PGAP1: variants seen among roughly 807,000 people sequenced by gnomAD.
The protein encoded by PGAP1 is post-GPI attachment to proteins inositol deacylase 1.
In PGAP1, 76 loss-of-function variants were observed where a neutral mutation model predicts 127.0. The ratio of observed to expected loss-of-function variants is 0.60; its 90% confidence interval spans 0.50 to 0.72. The LOEUF (loss-of-function observed/expected upper bound fraction) is 0.72. PGAP1 is among the 30% of genes least tolerant of loss of function. The pLI is 0.00. For missense variants in PGAP1, 982 were observed against 1,071.3 expected, an observed-to-expected ratio of 0.92 and a Z score of 1.16; for synonymous variants, 362 against 366.5, an observed-to-expected ratio of 0.99 and a Z score of 0.14.
In PGAP1 at chr2:196,926,599, A is replaced by G. The variant is rs2125845671; in HGVS notation, c.18T>C (p.Val6=). The change falls in exon 1 of 27, where the codon GTT becomes GTC. Residue 6 remains valine (V), a synonymous_variant. Coordinates refer to ENST00000354764, the MANE Select transcript of PGAP1 (RefSeq NM_024989.4). Reference sequence around the variant, plus strand: ...CATAAAACGCCAGGTTCCAGAGATTAACTGAGTGAAGAAACATGGTGCCGC... The same window carrying G: ...CATAAAACGCCAGGTTCCAGAGATTGACTGAGTGAAGAAACATGGTGCCGC... The part of the protein sequence containing the change: MFLHS[V]NLWNLAFYVF... 2 of 1,614,172 alleles carry G rather than the reference A, an allele frequency of 1.2e-6. No individual in the cohort carries two copies. Among genetic ancestry groups the G allele is most frequent in the Non-Finnish European group, 1.7e-6 (2 of 1,180,010 alleles).
intron 10 of PGAP1, 50 bp downstream of exon 10, chr2:196,890,778 G>T: frequency 3.8e-6 from 4 of 1,055,462 alleles, no homozygotes; most frequent in South Asian, 2.9e-5. Flanking sequence ...TTTGAAAAAT[G>T]AACAACAGTT....
intron 1 of PGAP1, 112 bp from the exon 2 acceptor site, chr2:196,920,262 T>G: frequency 1.1e-6 from 1 of 900,410 alleles, no homozygotes; most frequent in South Asian, 2.0e-5. Flanking sequence ...ATAAAAATAT[T>G]ACTGATATTA....
chr2:196,899,549 G>A (rs1702406259), intron 5 of PGAP1, among the ~76,000 whole-genome samples: 1 of 152,234 alleles, frequency 6.6e-6, no homozygotes, highest in Non-Finnish European at 1.5e-5. Flanking sequence ...CCATTACCAA[G>A]AATATAATGC....
At chr2:196,919,920 T>G in intron 2 of PGAP1, 77 bp downstream of exon 2, 1 of 1,414,718 alleles carries the variant, frequency 7.1e-7, no homozygotes, top group Non-Finnish European at 9.6e-7. Context: ...CTTTATTTGA[T>G]TCACCGAGTA....
At chr2:196,893,639 G>T (rs1702175763) in intron 7 of PGAP1, among the ~76,000 whole-genome samples, 1 of 152,120 alleles carries the variant, frequency 6.6e-6, no homozygotes, top group Admixed American at 6.5e-5. Context: ...GAGATTCTCT[G>T]GTCTTGTGAT....
intron 20 of PGAP1, among the ~76,000 whole-genome samples, chr2:196,859,469 C>CAA (rs962248388): frequency 6.7e-6 from 1 of 149,128 alleles, no homozygotes; most frequent in Non-Finnish European, 1.5e-5. Flanking sequence ...GTCAATATTC[C>CAA]AAAAAAAAAC....
intron 10 of PGAP1, among the ~76,000 whole-genome samples, chr2:196,889,457 C>T (rs180762992): frequency 6.6e-5 from 10 of 151,418 alleles, no homozygotes; most frequent in African/African-American, 2.4e-4. Context: ...ATACAAATAA[C>T]CTAACAAAAG....
At chr2:196,906,701 G>C (rs986367200) in intron 4 of PGAP1, among the ~76,000 whole-genome samples, 1 of 38,310 alleles carries the variant, frequency 2.6e-5, no homozygotes, top group Non-Finnish European at 5.1e-5. Flanking sequence ...TGAAAACTTT[G>C]AAAAAAATTT....
intron 4 of PGAP1, among the ~76,000 whole-genome samples, chr2:196,903,692 T>TA (rs1469375249): frequency 6.6e-6 from 1 of 152,142 alleles, no homozygotes; most frequent in African/African-American, 2.4e-5. Flanking sequence ...GTCTTAGGAC[T>TA]ATGCTGCTGC....
chr2:196,868,124 A>C (rs761325813), intron 19 of PGAP1, among the ~76,000 whole-genome samples: 47 of 152,088 alleles, frequency 3.1e-4, no homozygotes, highest in Admixed American at 1.8e-3. Flanking sequence ...CCTTCTCTCT[A>C]TATATATCCT....
At chr2:196,885,732 T>G (rs1044774700) in intron 11 of PGAP1, 102 bp downstream of exon 11, 18 of 735,532 alleles carry the variant, frequency 2.4e-5, no homozygotes, top group Non-Finnish European at 3.4e-5. Context: ...TAATTTCATA[T>G]AGCATCAAAA....
At chr2:196,846,908 AAT>A (rs1158683140) in intron 22 of PGAP1, 93 bp downstream of exon 22, 1 of 1,056,896 alleles carries the variant, frequency 9.5e-7, no homozygotes, top group Non-Finnish European at 1.3e-6. Flanking sequence ...TTCCTTAGAA[AAT>A]AGTTTAGTAA....
At chr2:196,904,301 G>A (rs537598994) in intron 4 of PGAP1, among the ~76,000 whole-genome samples, 2 of 152,212 alleles carry the variant, frequency 1.3e-5, no homozygotes, top group Non-Finnish European at 2.9e-5. Context: ...ATGTGCACAT[G>A]CAAGCTCTGT....
Position 196,926,629 on chromosome 2 carries a change from ACCGCCGCCGCCG to A in PGAP1, c.-25_-14del, listed in dbSNP as rs745913420. The stretch of plus-strand genomic sequence containing the variant: ...AGTGAAGAAACATGGTGCCGCCACC[ACCGCCGCCGCCG>A]CCGCCGCCCCCTCTACCTCCTTCTC... On this transcript the variant is annotated 5_prime_UTR_variant, in exon 1 of 27. Coordinates refer to ENST00000354764, the MANE Select transcript of PGAP1 (RefSeq NM_024989.4). The A allele has an allele frequency of 5.6e-5, 90 of 1,607,614 alleles. No individual in the cohort carries two copies. The highest frequency in any genetic ancestry group is 3.3e-4 in the Middle Eastern group (2 of 5,972).
intron 22 of PGAP1, 100 bp downstream of exon 22, chr2:196,846,903 T>C (rs1700570326): frequency 1.0e-6 from 1 of 1,004,496 alleles, no homozygotes; most frequent in Non-Finnish European, 1.4e-6. Flanking sequence ...TATTTTTCCT[T>C]AGAAAATAGT....
At chr2:196,918,549 T>C (rs2125839078) in intron 2 of PGAP1, among the ~76,000 whole-genome samples, 1 of 152,206 alleles carries the variant, frequency 6.6e-6, no homozygotes, top group African/African-American at 2.4e-5. Flanking sequence ...TTAAAGATAA[T>C]GCTGAGTGAA....
chr2:196,870,278 C>G (rs934683446), intron 19 of PGAP1, among the ~76,000 whole-genome samples: 2 of 150,488 alleles, frequency 1.3e-5, no homozygotes, highest in Non-Finnish European at 3.0e-5. Context: ...AACATGAAAT[C>G]TTTTTTCTTT....
chr2:196,851,412 AATT>A (rs1700719120), intron 20 of PGAP1, among the ~76,000 whole-genome samples: 1 of 152,130 alleles, frequency 6.6e-6, no homozygotes, highest in African/African-American at 2.4e-5. Context: ...AGGCAAGGAT[AATT>A]ATTTCAAAAC....
chr2:196,872,967 T>C lies in PGAP1; in HGVS notation c.1612A>G (p.Ile538Val). The change falls in exon 17 of 27, where the codon ATT (isoleucine) becomes GTT (valine). Residue 538 changes from isoleucine (I) to valine (V), a missense_variant. Coordinates refer to ENST00000354764, the MANE Select transcript of PGAP1 (RefSeq NM_024989.4). ...ATTCTTTCAAATACTTACTGTGCAATGGTTAGTGAATCTTCATAAGACCAA... is the reference window on the plus strand; with the variant it reads ...ATTCTTTCAAATACTTACTGTGCAACGGTTAGTGAATCTTCATAAGACCAA... ...IPWSYEDSLT[I>V]AQAPSSTEIS... 1 of 1,024,014 alleles carries C rather than the reference T, an allele frequency of 9.8e-7. No homozygotes were observed. The allele number at this position is 1,024,014 out of a possible 1,614,324, so 63.4% of individuals were successfully genotyped here.
Sources: allele counts gnomAD v4.1 joint callset (sites outside exome capture counted in the v4.1 genomes callset), GRCh38; gene constraint gnomAD v4.1.1; transcripts MANE v1.5; gene names NCBI Gene and HGNC (gene_info 2026-07-23, HGNC 2026-07-21).